TKT: variants seen among roughly 807,000 people sequenced by gnomAD.
TKT encodes the protein transketolase.
In TKT, 47 loss-of-function variants were observed where a neutral mutation model predicts 63.9. That is an observed-to-expected ratio of 0.74 (90% CI 0.58 to 0.94). The LOEUF (loss-of-function observed/expected upper bound fraction) is 0.94. Ranked by LOEUF, TKT falls within the 40% of genes least tolerant of loss-of-function variation. The probability of loss-of-function intolerance (pLI) is 0.00; values close to 1 mark genes in which losing one functional copy is unlikely to be tolerated. For missense variants in TKT, 721 were observed against 846.2 expected (o/e 0.85, Z 1.84); for synonymous variants, 338 against 334.1 (o/e 1.01, Z -0.13).
At chr3:53,248,522 A>T (rs572608689) in intron 1 of TKT, among the ~76,000 whole-genome samples, 1 of 152,242 alleles carries the variant, frequency 6.6e-6, no homozygotes, top group African/African-American at 2.4e-5. Context: ...CCAGCTACTT[A>T]GGAGGCTGAG....
intron 8 of TKT, 51 bp downstream of exon 8, chr3:53,230,406 C>T: frequency 6.2e-7 from 1 of 1,611,500 alleles, no homozygotes; most frequent in Non-Finnish European, 8.5e-7. Context: ...ACCCCTCAGA[C>T]CACAGCCCTC....
intron 9 of TKT, 68 bp downstream of exon 9, chr3:53,229,212 C>A: frequency 6.2e-7 from 1 of 1,612,848 alleles, no homozygotes; most frequent in South Asian, 1.1e-5. Flanking sequence ...CCTGGCCCAT[C>A]CCCCTCCCAT....
chr3:53,226,992 C>T (rs1175072821), intron 12 of TKT, 114 bp from the exon 13 acceptor site: 19 of 1,337,170 alleles, frequency 1.4e-5, no homozygotes, highest in African/African-American at 2.9e-5. Flanking sequence ...GCTCAGCCTG[C>T]GGGCCTGTCC....
intron 13 of TKT, chr3:53,226,211 T>C (rs1315996261): frequency 2.5e-6 from 1 of 392,394 alleles, no homozygotes; most frequent in Non-Finnish European, 4.6e-6. Context: ...TGAGCCACCA[T>C]GCACGGCCCA....
At position 53,242,115 on chromosome 3, in the gene TKT, G is replaced by C; in HGVS notation, c.225+10C>G. On this transcript the variant is annotated intron_variant, in intron 2 of 13. Coordinates refer to ENST00000462138, the MANE Select transcript of TKT (RefSeq NM_001064.4). ...AAGGTGTGGCTGGCAGTGGGCAGCT[G>C]GGCTCTTACCTTGGAGAGCACAAAG... The C allele has an allele frequency of 6.2e-7, 1 of 1,612,944 alleles. No individual in the cohort carries two copies. The highest frequency in any genetic ancestry group is 8.5e-7 in the Non-Finnish European group (1 of 1,179,010).
chr3:53,241,985 G>A (rs751524758), intron 2 of TKT, 140 bp downstream of exon 2: 7 of 749,084 alleles, frequency 9.3e-6, no homozygotes, highest in Non-Finnish European at 1.6e-5. Flanking sequence ...CACTGAGGGA[G>A]AGGCCAGGAC....
intron 1 of TKT, among the ~76,000 whole-genome samples, chr3:53,242,726 G>A (rs556280486): frequency 4.6e-5 from 7 of 152,214 alleles, no homozygotes; most frequent in Non-Finnish European, 7.4e-5. Context: ...AGGACTGCCC[G>A]GACACTGCCC....
intron 1 of TKT, among the ~76,000 whole-genome samples, chr3:53,250,872 C>T (rs781992303): frequency 1.3e-5 from 2 of 152,146 alleles, no homozygotes; most frequent in Admixed American, 6.5e-5. Flanking sequence ...GCCTTGAACT[C>T]CTGGGCTCAA....
chr3:53,230,259 G>C (rs1553676707), intron 8 of TKT, among the ~76,000 whole-genome samples, 198 bp downstream of exon 8: 3 of 152,230 alleles, frequency 2.0e-5, no homozygotes, highest in Non-Finnish European at 4.4e-5. Context: ...ACCTGTCCAG[G>C]ACATTTGCAC....
At chr3:53,244,374 G>A (rs534586851) in intron 1 of TKT, among the ~76,000 whole-genome samples, 14 of 152,266 alleles carry the variant, frequency 9.2e-5, no homozygotes, top group African/African-American at 3.4e-4. Flanking sequence ...TCAACCCGGG[G>A]CTCAGCTTCT....
Position 53,230,544 on chromosome 3 carries a change from C to CCCAT in TKT, c.1016_1019dup (p.Asp341TrpfsTer27), listed in dbSNP as rs1559647354. ...CCGAGAAGGTGGAATTTTTGGTGTC[C>CCCAT]CCATCCAGGGCGATGATGCGGTCAC... On this transcript the variant is annotated frameshift_variant, in exon 8 of 14. Transcript: ENST00000462138. LOFTEE classifies it high-confidence loss of function. The CCCAT allele has an allele frequency of 5.0e-6, 8 of 1,614,190 alleles. No individual in the cohort carries two copies. The highest frequency in any genetic ancestry group is 6.8e-6 in the Non-Finnish European group (8 of 1,180,046).
chr3:53,228,653 C>A, intron 10 of TKT: 1 of 504,166 alleles, frequency 2.0e-6, no homozygotes, highest in Admixed American at 3.3e-5. Flanking sequence ...GAACCACGCG[C>A]ACTGGGTCTG....
rs781832224 is a variant in TKT, at chr3:53,233,126, A to G, written c.748+30T>C. ...GCCACAGTGTCTGGGCGAGGGGTGA[A>G]GGTGGGGAGGGCGGCTTGTGCATAC... On this transcript the variant is annotated intron_variant, in intron 6 of 13. Transcript: ENST00000462138. 2.5e-6 allele frequency: 4 copies of G among 1,590,214 alleles called. 1 individual carries two copies. The South Asian group carries it at 4.5e-5, about 18-fold the overall frequency.
intron 12 of TKT, 126 bp from the exon 13 acceptor site, chr3:53,227,004 T>C: frequency 8.2e-7 from 1 of 1,226,950 alleles, no homozygotes; most frequent in Non-Finnish European, 1.1e-6. Context: ...GGCCTGTCCC[T>C]GTCCCAGGGA....
At chr3:53,232,188 C>T (rs1230862223) in intron 6 of TKT, 6 of 396,806 alleles carry the variant, frequency 1.5e-5, no homozygotes, top group Non-Finnish European at 2.2e-5. Context: ...AGGTAGCACC[C>T]AGCAGCCCGA....
At chr3:53,240,149 G>T in intron 4 of TKT, 102 bp downstream of exon 4, 2 of 1,152,284 alleles carry the variant, frequency 1.7e-6, no homozygotes, top group African/African-American at 1.5e-5. Flanking sequence ...CTCTGCCCTA[G>T]CCAGGAAAGA....
intron 4 of TKT, among the ~76,000 whole-genome samples, chr3:53,239,575 A>G (rs139714391): frequency 4.6e-5 from 7 of 151,998 alleles, no homozygotes; most frequent in African/African-American, 1.7e-4. Flanking sequence ...ATTATTCTTA[A>G]CAGTTTACAA....
rs1220098505 is a variant in TKT, at chr3:53,235,910, G to A, written c.438-736C>T. On this transcript the variant is annotated intron_variant, in intron 4 of 13. Coordinates refer to ENST00000462138, the MANE Select transcript of TKT (RefSeq NM_001064.4). ...GACGTTAAAAAGAACACTGAACTTG[G>A]GATAAATTACCCAGCAAACAGAACG... 8.5e-5 allele frequency among the ~76,000 whole-genome samples: 13 copies of A among 152,388 alleles called. No individual in the cohort carries two copies. The Middle Eastern group carries it at 0.01, about 120-fold the overall frequency.
At position 53,244,194 on chromosome 3, in the gene TKT, G is replaced by A. The variant is rs116517572; in HGVS notation, c.108-1952C>T. On this transcript the variant is annotated intron_variant, in intron 1 of 13. Coordinates refer to ENST00000462138, the MANE Select transcript of TKT (RefSeq NM_001064.4). The stretch of plus-strand genomic sequence containing the variant: ...CCAAAGGCTGCATCCAGCCTGCTGC[G>A]GCCACTCTCTTCACTTCTACCAAGT... 5.7e-3 allele frequency among the ~76,000 whole-genome samples: 875 copies of A among 152,284 alleles called. 11 individuals are homozygous for A. The highest frequency in any genetic ancestry group is 8.6e-3 in the Non-Finnish European group (587 of 68,022).
Sources: gnomAD v4.1 joint callset for allele counts (sites outside exome capture counted in the v4.1 genomes callset) on GRCh38, gnomAD v4.1.1 for gene constraint, MANE v1.5 for transcripts, NCBI Gene and HGNC (gene_info 2026-07-23, HGNC 2026-07-21) for gene names.